The following RPAP2 variants were observed in gnomAD, a reference collection of about 807,000 sequenced individuals.
RPAP2 encodes RNA polymerase II associated protein 2, also known as putative RNA polymerase II subunit B1 CTD phosphatase RPAP2.
Under a neutral mutation model 73.1 loss-of-function variants are expected in RPAP2, and 52 were observed. The observed-to-expected ratio is 0.71, with a 90% CI of 0.57 to 0.90. The LOEUF (loss-of-function observed/expected upper bound fraction) is 0.90, where lower values mean the gene tolerates loss of function less well. Among genes scored for constraint, RPAP2 ranks in the 40% least tolerant of loss-of-function variants. The pLI is 0.00. For missense variants in RPAP2, 598 were observed against 701.8 expected (o/e 0.85, Z 1.67); for synonymous variants, 225 against 242.1 (o/e 0.93, Z 0.65).
intron 9 of RPAP2, among the ~76,000 whole-genome samples, chr1:92,334,288 G>C (rs538242620): frequency 5.0e-4 from 76 of 152,102 alleles, no homozygotes; most frequent in Non-Finnish European, 9.0e-4. Context: ...GAAAGCTGTT[G>C]GGTTTTTTTC....
chr1:92,369,559 C>G (rs1655062834), intron 11 of RPAP2, among the ~76,000 whole-genome samples: 1 of 152,116 alleles, frequency 6.6e-6, no homozygotes, highest in Non-Finnish European at 1.5e-5. Context: ...CCTACCTCAG[C>G]CTTCCAATGC....
intron 10 of RPAP2, among the ~76,000 whole-genome samples, chr1:92,340,451 A>G (rs1266708421): frequency 6.6e-6 from 1 of 152,226 alleles, no homozygotes; most frequent in Non-Finnish European, 1.5e-5. Context: ...GATAGTGGGA[A>G]AGAGTTGACA....
intron 11 of RPAP2, among the ~76,000 whole-genome samples, chr1:92,377,508 C>T (rs1557632207): frequency 9.4e-5 from 8 of 84,996 alleles, no homozygotes. Flanking sequence ...CAGAGCGAAA[C>T]TTTGTCTCAA....
At chr1:92,366,009 C>G (rs1304378223) in intron 11 of RPAP2, among the ~76,000 whole-genome samples, 1 of 152,202 alleles carries the variant, frequency 6.6e-6, no homozygotes, top group Non-Finnish European at 1.5e-5. Context: ...ACTTGGAAAT[C>G]ACGATAGCTT....
chr1:92,380,264 G>C (rs1418766556), intron 11 of RPAP2, among the ~76,000 whole-genome samples: 2 of 149,936 alleles, frequency 1.3e-5, no homozygotes, highest in South Asian at 4.2e-4. Flanking sequence ...GATGACAGAA[G>C]CGAGACTCTG....
chr1:92,329,845 G>A (rs761900483), intron 8 of RPAP2, among the ~76,000 whole-genome samples: 1 of 152,146 alleles, frequency 6.6e-6, no homozygotes, highest in Non-Finnish European at 1.5e-5. Flanking sequence ...AGTGACATTA[G>A]CGTATGAATT....
chr1:92,327,651 T>C (rs1232371244), intron 8 of RPAP2, among the ~76,000 whole-genome samples: 1 of 152,228 alleles, frequency 6.6e-6, no homozygotes, highest in African/African-American at 2.4e-5. Context: ...GCCATTTACA[T>C]TCAATGTTAG....
chr1:92,378,834 T>C (rs1326998028), intron 11 of RPAP2, among the ~76,000 whole-genome samples: 1 of 152,206 alleles, frequency 6.6e-6, no homozygotes. Flanking sequence ...CAGTATGAAC[T>C]ACCTTTGGGG....
chr1:92,313,696 A>T (rs758613801), intron 6 of RPAP2, among the ~76,000 whole-genome samples: 1 of 152,170 alleles, frequency 6.6e-6, no homozygotes, highest in Non-Finnish European at 1.5e-5. Context: ...TTGATGCCAC[A>T]TATTTACTTC....
At chr1:92,308,784 AC>A (rs1381031623) in intron 6 of RPAP2, among the ~76,000 whole-genome samples, 2 of 152,118 alleles carry the variant, frequency 1.3e-5, no homozygotes, top group Non-Finnish European at 2.9e-5. Flanking sequence ...ATATGGTGAT[AC>A]CCTGTCTCTA....
intron 12 of RPAP2, among the ~76,000 whole-genome samples, chr1:92,382,671 C>A (rs1655695233): frequency 6.6e-6 from 1 of 152,150 alleles, no homozygotes; most frequent in Non-Finnish European, 1.5e-5. Context: ...TGGATATTAG[C>A]CCTTTGTCGA....
intron 8 of RPAP2, among the ~76,000 whole-genome samples, chr1:92,331,229 C>G (rs962558733): frequency 3.9e-5 from 6 of 152,120 alleles, no homozygotes; most frequent in Non-Finnish European, 7.4e-5. Flanking sequence ...TCTTTACAGT[C>G]TACTTTGCTG....
intron 11 of RPAP2, among the ~76,000 whole-genome samples, chr1:92,368,306 G>A (rs2101410758): frequency 6.6e-6 from 1 of 152,254 alleles, no homozygotes; most frequent in South Asian, 2.1e-4. Flanking sequence ...CTGAACCCAG[G>A]AGGCAGAAGT....
intron 6 of RPAP2, among the ~76,000 whole-genome samples, chr1:92,309,868 G>A (rs1651487627): frequency 6.6e-6 from 1 of 152,140 alleles, no homozygotes; most frequent in African/African-American, 2.4e-5. Flanking sequence ...AATAACAAAG[G>A]GCCAGGCTGA....
Position 92,307,177 on chromosome 1 carries a change from G to C in RPAP2, c.400-11G>C. Reference sequence around the variant, plus strand: ...ATAAGAAAAAAACTAGATTTATAATGTTCTTTTCAGTCTTTTTGCAGCAAT... The same window carrying C: ...ATAAGAAAAAAACTAGATTTATAATCTTCTTTTCAGTCTTTTTGCAGCAAT... On this transcript the variant is annotated splice_polypyrimidine_tract_variant and intron_variant, in intron 5 of 12. Transcript: ENST00000610020. 1 of 1,591,136 alleles carries C rather than the reference G, an allele frequency of 6.3e-7. No individual in the cohort carries two copies. Among genetic ancestry groups the C allele is most frequent in the Non-Finnish European group, 8.6e-7 (1 of 1,162,262 alleles).
chr1:92,325,333 T>A (rs572388192), intron 8 of RPAP2, among the ~76,000 whole-genome samples: 1 of 152,276 alleles, frequency 6.6e-6, no homozygotes, highest in Middle Eastern at 3.5e-3. Context: ...GTAAAAAATT[T>A]AGAAATATAT....
At chr1:92,356,815 C>A (rs1239185014) in intron 11 of RPAP2, among the ~76,000 whole-genome samples, 3 of 151,672 alleles carry the variant, frequency 2.0e-5, no homozygotes, top group Admixed American at 1.3e-4. Flanking sequence ...GTAATCCCAG[C>A]ACTTTGGGAG....
At chr1:92,381,266 C>G (rs1655617265) in intron 12 of RPAP2, among the ~76,000 whole-genome samples, 1 of 152,170 alleles carries the variant, frequency 6.6e-6, no homozygotes, top group Non-Finnish European at 1.5e-5. Context: ...CTGCCCCTTT[C>G]AGTGAAATCA....
chr1:92,307,724 T>TA (rs1263931307), intron 6 of RPAP2, among the ~76,000 whole-genome samples: 2 of 41,868 alleles, frequency 4.8e-5, no homozygotes, highest in Non-Finnish European at 7.5e-5. Context: ...AATTAAAAAG[T>TA]AATTTTTTTT....
Sources: allele counts gnomAD v4.1 joint callset (sites outside exome capture counted in the v4.1 genomes callset), GRCh38; gene constraint gnomAD v4.1.1; transcripts MANE v1.5; gene names NCBI Gene and HGNC (gene_info 2026-07-23, HGNC 2026-07-21).